The following NPAS3 variants were observed in gnomAD, a reference collection of about 807,000 sequenced individuals.
NPAS3 encodes neuronal PAS domain protein 3, also known as neuronal PAS domain-containing protein 3.
In NPAS3, 14 loss-of-function variants were observed where a neutral mutation model predicts 73.1. The ratio of observed to expected loss-of-function variants is 0.19; its 90% confidence interval spans 0.13 to 0.30. The LOEUF is 0.30. NPAS3 is among the 10% of genes least tolerant of loss of function. The pLI is 1.00. For synonymous variants in NPAS3, 620 were observed against 541.5 expected (o/e 1.14, Z -2.01); for missense variants, 1,096 against 1,250.0 (o/e 0.88, Z 1.86).
chr14:33,611,730 A>G (rs1311194143), intron 5 of NPAS3, among the ~76,000 whole-genome samples: 1 of 152,178 alleles, frequency 6.6e-6, no homozygotes, highest in Non-Finnish European at 1.5e-5. Flanking sequence ...GCCTGTAAAA[A>G]TTGCTTCATC....
intron 1 of NPAS3, among the ~76,000 whole-genome samples, chr14:33,023,308 G>A (rs1305531082): frequency 6.6e-6 from 1 of 152,124 alleles, no homozygotes; most frequent in Non-Finnish European, 1.5e-5. Context: ...TTTCTAGTGA[G>A]ACAAAATGTT....
At chr14:33,636,292 C>T (rs186526198) in intron 5 of NPAS3, among the ~76,000 whole-genome samples, 2 of 152,342 alleles carry the variant, frequency 1.3e-5, no homozygotes, top group Admixed American at 6.5e-5. Context: ...GCTTATGGAA[C>T]GGATGAATGA....
At chr14:33,110,762 A>G (rs1026824392) in intron 2 of NPAS3, among the ~76,000 whole-genome samples, 1 of 151,936 alleles carries the variant, frequency 6.6e-6, no homozygotes, top group Admixed American at 6.6e-5. Flanking sequence ...GCATTTCTAT[A>G]TCTCTAGGTT....
intron 1 of NPAS3, among the ~76,000 whole-genome samples, chr14:33,048,114 CATTT>C (rs2040574031): frequency 6.6e-6 from 1 of 152,158 alleles, no homozygotes; most frequent in African/African-American, 2.4e-5. Context: ...AGGCTCTACT[CATTT>C]ATCAGTTGTG....
intron 3 of NPAS3, among the ~76,000 whole-genome samples, chr14:33,301,910 A>G (rs1159180792): frequency 3.3e-5 from 5 of 152,146 alleles, no homozygotes; most frequent in African/African-American, 4.8e-5. Context: ...TGTTTTTCGT[A>G]TAATATAAAA....
chr14:33,121,533 A>T (rs926485919), intron 2 of NPAS3, among the ~76,000 whole-genome samples: 1 of 152,146 alleles, frequency 6.6e-6, no homozygotes, highest in Non-Finnish European at 1.5e-5. Context: ...GCAGGTGCTT[A>T]TTGTTTGTTA....
chr14:33,283,040 A>T lies in NPAS3; in HGVS notation c.385+67614A>T, dbSNP rs1158067396. Among the ~76,000 whole-genome samples the T allele has an allele frequency of 7.9e-5, 12 of 152,204 alleles. No homozygotes were observed. In the East Asian group the frequency reaches 2.3e-3, roughly 29 times the overall value. On this transcript the variant is annotated intron_variant, in intron 3 of 11. Coordinates refer to ENST00000356141, the Ensembl canonical transcript of NPAS3. Reference sequence around the variant, plus strand: ...ATTACTCATCAGCTGTCCACATGTGACTCTGCCCCACAGTCTATTATGAGC... The same window carrying T: ...ATTACTCATCAGCTGTCCACATGTGTCTCTGCCCCACAGTCTATTATGAGC...
intron 3 of NPAS3, among the ~76,000 whole-genome samples, chr14:33,281,188 A>G (rs947495933): frequency 3.3e-5 from 5 of 152,236 alleles, no homozygotes; most frequent in African/African-American, 1.2e-4. Context: ...AAGGAAAGAT[A>G]GCAAACAAAG....
chr14:33,476,696 C>A (rs1159169603), intron 4 of NPAS3, among the ~76,000 whole-genome samples: 2 of 152,158 alleles, frequency 1.3e-5, no homozygotes, highest in African/African-American at 4.8e-5. Flanking sequence ...AATACTGGAA[C>A]TTCATTATTT....
chr14:33,661,679 C>T (rs1037648064), intron 5 of NPAS3, among the ~76,000 whole-genome samples: 1 of 152,184 alleles, frequency 6.6e-6, no homozygotes, highest in Non-Finnish European at 1.5e-5. Flanking sequence ...CTACTCTGTT[C>T]ATGAATTATA....
chr14:33,797,653 A>G, intron 11 of NPAS3, 72 bp downstream of exon 11: 1 of 1,510,684 alleles, frequency 6.6e-7, no homozygotes, highest in Non-Finnish European at 9.1e-7. Context: ...CAACAGCCAG[A>G]GGGCCATCAT....
intron 5 of NPAS3, among the ~76,000 whole-genome samples, chr14:33,644,416 A>G (rs2058763912): frequency 6.6e-6 from 1 of 152,262 alleles, no homozygotes; most frequent in Admixed American, 6.5e-5. Context: ...TGAGCAACAC[A>G]GCACATTGCC....
chr14:33,166,929 T>A (rs567079564), intron 2 of NPAS3, among the ~76,000 whole-genome samples: 7 of 152,360 alleles, frequency 4.6e-5, no homozygotes, highest in Non-Finnish European at 8.8e-5. Context: ...TTAAAGGCAC[T>A]GCTCTTTTCT....
At position 33,800,431 on chromosome 14, in the gene NPAS3, C is replaced by T. The variant is rs368649578; in HGVS notation, c.2124C>T (p.His708=). The T allele has an allele frequency of 1.8e-4, 278 of 1,586,094 alleles. 1 individual carries two copies. The African/African-American group carries it at 3.3e-3, about 19-fold the overall frequency. Residue 708 remains histidine (H), a synonymous_variant, in exon 12 of 12, where the codon CAC becomes CAT. Transcript: ENST00000356141. The surrounding 1 kb of genome is among the most constrained non-coding windows in gnomAD (Gnocchi z 6.5). ...GGGGTGGCGGTGGCGGGGGGCTGCA[C>T]GTGGCCATTCCCGACTCGGTCCTCA...
chr14:33,354,616 G>A (rs538347892), intron 3 of NPAS3, among the ~76,000 whole-genome samples: 1 of 152,192 alleles, frequency 6.6e-6, no homozygotes, highest in South Asian at 2.1e-4. Flanking sequence ...AGGCCCTTTA[G>A]GCATCAAGAT....
intron 3 of NPAS3, among the ~76,000 whole-genome samples, chr14:33,227,264 T>C (rs2047670036): frequency 6.6e-6 from 1 of 152,122 alleles, no homozygotes; most frequent in African/African-American, 2.4e-5. Context: ...GTTCAGCCTC[T>C]GCTATGTTGT....
At chr14:32,953,135 GAAA>G (rs566708758) in intron 1 of NPAS3, among the ~76,000 whole-genome samples, 1 of 118,280 alleles carries the variant, frequency 8.5e-6, no homozygotes, top group African/African-American at 3.0e-5. Context: ...CAAAAAAAAA[GAAA>G]AAAAAAAAAA....
At chr14:33,508,020 C>T (rs2052856150) in intron 4 of NPAS3, among the ~76,000 whole-genome samples, 1 of 151,980 alleles carries the variant, frequency 6.6e-6, no homozygotes, top group Admixed American at 6.6e-5. Flanking sequence ...GGGACTCTTC[C>T]ATGAGAGCAC....
chr14:33,380,465 C>T (rs988352124), intron 4 of NPAS3, among the ~76,000 whole-genome samples: 2 of 152,232 alleles, frequency 1.3e-5, no homozygotes, highest in South Asian at 4.1e-4. Context: ...CACCTAGTCT[C>T]CAGCTGTTTT....
Sources: gnomAD v4.1 joint callset for allele counts (sites outside exome capture counted in the v4.1 genomes callset) on GRCh38, gnomAD v4.1.1 for gene constraint, Gnocchi (gnomAD v3.1) non-coding constraint, MANE v1.5 for transcripts, NCBI Gene and HGNC (gene_info 2026-07-23, HGNC 2026-07-21) for gene names.